The following SDC4 variants were observed in gnomAD, a reference collection of about 807,000 sequenced individuals.
SDC4 encodes the protein syndecan 4.
SDC4 carries 17 observed loss-of-function variants against 20.5 expected under a neutral mutation model. The observed-to-expected ratio is 0.83, with a 90% CI of 0.57 to 1.25. The LOEUF is 1.25. SDC4 is among the 50% of genes most tolerant of loss of function. The pLI is 0.00. For synonymous variants in SDC4, 107 were observed against 105.3 expected (o/e 1.02, Z -0.10); for missense variants, 241 against 252.3 (o/e 0.96, Z 0.30).
At chr20:45,348,283 G>T in intron 1 of SDC4, 42 bp downstream of exon 1, 1 of 1,510,674 alleles carries the variant, frequency 6.6e-7, no homozygotes, top group Non-Finnish European at 9.0e-7. Context: ...ACCGGCCTGC[G>T]CCCCCGCTTC....
At position 45,326,616 on chromosome 20, in the gene SDC4, T is replaced by C. The variant is rs1568902506; in HGVS notation, c.*648A>G. The stretch of plus-strand genomic sequence containing the variant: ...TAAAAAAACGAACAAACACTAAAAA[T>C]AGATTTACAAATATTCTATAAATCC... On this transcript the variant is annotated 3_prime_UTR_variant, in exon 5 of 5. Coordinates refer to ENST00000372733, the MANE Select transcript of SDC4 (RefSeq NM_002999.4). The C allele has an allele frequency of 1.3e-5, 2 of 152,686 alleles. No homozygotes were observed. The highest frequency in any genetic ancestry group is 2.1e-4 in the South Asian group (1 of 4,822). 9.5% of individuals were successfully genotyped at this position (152,686 alleles called of 1,614,324 possible). A position where few individuals can be genotyped will look rare whatever the true frequency, so the allele number is the denominator to read the frequency against.
At chr20:45,328,052 T>C (rs1288120245) in intron 4 of SDC4, among the ~76,000 whole-genome samples, 1 of 152,224 alleles carries the variant, frequency 6.6e-6, no homozygotes, top group Non-Finnish European at 1.5e-5. Context: ...GAGAAAACCG[T>C]AGGCTATGGA....
Position 45,331,280 on chromosome 20 carries a change from C to A in SDC4, c.247-716G>T, listed in dbSNP as rs998105247. Among the ~76,000 whole-genome samples the A allele has an allele frequency of 1.5e-4, 23 of 152,098 alleles. 1 individual carries two copies. Among genetic ancestry groups the A allele is most frequent in the Admixed American group, 1.4e-3 (21 of 15,260 alleles). ...CCATACTGGCCCTTTCTGACTGAAC[C>A]CCTCTCTACCATGGATACAAGAGGC... On this transcript the variant is annotated intron_variant, in intron 3 of 4. Coordinates refer to ENST00000372733, the MANE Select transcript of SDC4 (RefSeq NM_002999.4).
At chr20:45,333,177 A>C in intron 2 of SDC4, 108 bp from the exon 3 acceptor site, 1 of 1,022,810 alleles carries the variant, frequency 9.8e-7, no homozygotes, top group East Asian at 2.4e-5. Context: ...CCAAATGCTC[A>C]ATGTCCAGCA....
In SDC4 at chr20:45,327,248, T is replaced by C; in HGVS notation, c.*16A>G. ...CCCTCCCCGCTAAAGTCCAAGCCAGTGCCCACAAGCAAGCTTCACGCGTAG... is the reference window on the plus strand; with the variant it reads ...CCCTCCCCGCTAAAGTCCAAGCCAGCGCCCACAAGCAAGCTTCACGCGTAG... On this transcript the variant is annotated 3_prime_UTR_variant, in exon 5 of 5. Coordinates refer to ENST00000372733, the MANE Select transcript of SDC4 (RefSeq NM_002999.4). The C allele has an allele frequency of 1.2e-6, 2 of 1,613,806 alleles. No individual in the cohort carries two copies. The highest frequency in any genetic ancestry group is 1.7e-6 in the Non-Finnish European group (2 of 1,179,812).
intron 1 of SDC4, 87 bp downstream of exon 1, chr20:45,348,238 C>CG (rs1988063443): frequency 1.7e-6 from 2 of 1,143,982 alleles, no homozygotes; most frequent in African/African-American, 1.6e-5. Flanking sequence ...CCGATCTGCC[C>CG]CCCCCCATCC....
rs537535511 is a variant in SDC4 at position 45,337,794 on chromosome 20, G to T, written c.61-1874C>A. On this transcript the variant is annotated intron_variant, in intron 1 of 4. Coordinates refer to ENST00000372733, the MANE Select transcript of SDC4 (RefSeq NM_002999.4). ...GAATGCTGGATTCCCGGAAGGGAGC[G>T]GGGTCAGGCCACAAGGAAGGCAGTG... Among the ~76,000 whole-genome samples, 14 of 152,318 alleles carry T rather than the reference G, an allele frequency of 9.2e-5. No homozygotes were observed. In the South Asian group the frequency reaches 2.5e-3, roughly 27 times the overall value.
At chr20:45,331,052 C>T (rs1987769901) in intron 3 of SDC4, among the ~76,000 whole-genome samples, 1 of 152,170 alleles carries the variant, frequency 6.6e-6, no homozygotes, top group Non-Finnish European at 1.5e-5. Flanking sequence ...ATGGACTCAC[C>T]CTGAATTCTA....
intron 1 of SDC4, chr20:45,345,041 T>C (rs1988010985): frequency 6.6e-6 from 1 of 152,084 alleles, no homozygotes; most frequent in African/African-American, 2.4e-5. Context: ...CCTGTAAAAA[T>C]AGAGAAAATG....
Position 45,327,035 on chromosome 20 carries a change from G to T in SDC4, c.*229C>A, listed in dbSNP as rs929097000. ...CCAATCCCAGTCTTGCCTTCAGAAA[G>T]GCCAAGTTGAATCCATTTTTCTGCC... On this transcript the variant is annotated 3_prime_UTR_variant, in exon 5 of 5. Transcript: ENST00000372733. 3.4e-5 allele frequency: 17 copies of T among 494,256 alleles called. No homozygotes were observed. The highest frequency in any genetic ancestry group is 4.7e-5 in the Non-Finnish European group (13 of 276,922). 30.6% of individuals were successfully genotyped at this position (494,256 alleles called of 1,614,324 possible). A position where few individuals can be genotyped will look rare whatever the true frequency, so the allele number is the denominator to read the frequency against.
chr20:45,327,205 T>TTCAAAATCC lies in SDC4; in HGVS notation c.*50_*58dup. 6.2e-7 allele frequency: 1 copy of TTCAAAATCC among 1,602,956 alleles called. No homozygotes were observed. Among genetic ancestry groups the TTCAAAATCC allele is most frequent in the Non-Finnish European group, 8.5e-7 (1 of 1,171,866 alleles). ...CCTCACCCTACCCTAATGTCCACCC[T>TTCAAAATCC]TCAAAATCCCCTGGCTTCCCTCCCC... On this transcript the variant is annotated 3_prime_UTR_variant, in exon 5 of 5. Transcript: ENST00000372733.
At chr20:45,334,197 G>A (rs1177134649) in intron 2 of SDC4, among the ~76,000 whole-genome samples, 3 of 151,968 alleles carry the variant, frequency 2.0e-5, no homozygotes, top group Non-Finnish European at 1.5e-5. Flanking sequence ...GTTTCACCAT[G>A]TTGGTTGGCC....
chr20:45,348,256 C>A, intron 1 of SDC4, 69 bp downstream of exon 1: 2 of 1,345,902 alleles, frequency 1.5e-6, no homozygotes, highest in South Asian at 1.3e-5. Flanking sequence ...TCCCACGCTC[C>A]GACGAACAAA....
At position 45,327,283 on chromosome 20, in the gene SDC4, G is replaced by C. The variant is rs750287547; in HGVS notation, c.578C>G (p.Thr193Ser). ...CAAGCTTCACGCGTAGAACTCATTGGTGGGGGCTTTCTTGTAGATGGGTTT... is the reference window on the plus strand; with the variant it reads ...CAAGCTTCACGCGTAGAACTCATTGCTGGGGGCTTTCTTGTAGATGGGTTT... ...GKKPIYKKAP[T>S]NEFYA The change falls in exon 5 of 5, where the codon ACC becomes AGC. Residue 193 changes from threonine to serine, a missense_variant. Physicochemically the swap from Thr to Ser is moderately conservative, Grantham distance 58 (BLOSUM62 1). Coordinates refer to ENST00000372733, the MANE Select transcript of SDC4 (RefSeq NM_002999.4). The C allele has an allele frequency of 8.1e-6, 13 of 1,614,194 alleles. No homozygotes were observed. The Admixed American group carries it at 2.2e-4, about 27-fold the overall frequency.
rs866164781 is a variant in SDC4, at chr20:45,327,150, G to A, written c.*114C>T. ...GAACACTTCAAAGGTAATCAGAGCT[G>A]GAGATACTGACAAGTCAGTATTAGG... On this transcript the variant is annotated 3_prime_UTR_variant, in exon 5 of 5. Coordinates refer to ENST00000372733, the MANE Select transcript of SDC4 (RefSeq NM_002999.4). 9.5e-7 allele frequency: 1 copy of A among 1,052,554 alleles called. No homozygotes were observed. The highest frequency in any genetic ancestry group is 1.4e-6 in the Non-Finnish European group (1 of 699,984). The allele number at this position is 1,052,554 out of a possible 1,614,324, so 65.2% of individuals were successfully genotyped here. A position where few individuals can be genotyped will look rare whatever the true frequency, so the allele number is the denominator to read the frequency against.
At chr20:45,338,200 A>C (rs933536748) in intron 1 of SDC4, among the ~76,000 whole-genome samples, 2 of 152,184 alleles carry the variant, frequency 1.3e-5, no homozygotes, top group Non-Finnish European at 2.9e-5. Context: ...TCAGAAAAGT[A>C]AAGTCACTTG....
At chr20:45,339,816 T>C (rs2145715089) in intron 1 of SDC4, among the ~76,000 whole-genome samples, 1 of 152,284 alleles carries the variant, frequency 6.6e-6, no homozygotes, top group African/African-American at 2.4e-5. Context: ...GATCTGGGAT[T>C]AGTGCCTGGG....
At chr20:45,340,258 G>A (rs1193041291) in intron 1 of SDC4, among the ~76,000 whole-genome samples, 1 of 152,210 alleles carries the variant, frequency 6.6e-6, no homozygotes, top group Admixed American at 6.5e-5. Flanking sequence ...TACATGCCAA[G>A]CACCATGCTG....
Position 45,330,423 on chromosome 20 carries a change from A to T in SDC4, c.388T>A (p.Ser130Thr). The change falls in exon 4 of 5, where the codon TCA becomes ACA. Residue 130 changes from serine to threonine, a missense_variant. Transcript: ENST00000372733. Reference protein sequence around the residue: ...EESEDVSNKVSMSSTVQGSNI... With the variant: ...EESEDVSNKVTMSSTVQGSNI... ...CTGCCCTGCACAGTGCTGGACATTGACACCTTGTTGGACACATCCTCACTC... is the reference window on the plus strand; with the variant it reads ...CTGCCCTGCACAGTGCTGGACATTGTCACCTTGTTGGACACATCCTCACTC... The T allele has an allele frequency of 1.2e-6, 2 of 1,614,166 alleles. No homozygotes were observed. Among genetic ancestry groups the T allele is most frequent in the Non-Finnish European group, 8.5e-7 (1 of 1,180,034 alleles).
Sources: allele counts gnomAD v4.1 joint callset (sites outside exome capture counted in the v4.1 genomes callset), GRCh38; gene constraint gnomAD v4.1.1; transcripts MANE v1.5; gene names NCBI Gene and HGNC (gene_info 2026-07-23, HGNC 2026-07-21).